GPX7: variants seen among roughly 807,000 people sequenced by gnomAD.
GPX7 encodes protein peroxidase GPX7.
A neutral mutation model predicts 23.7 loss-of-function variants in GPX7; 21 were observed. The ratio of observed to expected loss-of-function variants is 0.89; its 90% CI spans 0.63 to 1.28. The LOEUF (loss-of-function observed/expected upper bound fraction) is 1.28. Among genes scored for constraint, GPX7 ranks in the 50% most tolerant of loss-of-function variants. GPX7 has a pLI of 0.00. For synonymous variants in GPX7, 112 were observed against 101.8 expected, an observed-to-expected ratio of 1.10 and a Z score of -0.61; for missense variants, 238 against 237.3, an observed-to-expected ratio of 1.00 and a Z score of -0.02.
chr1:52,602,542 G>C lies in GPX7; in HGVS notation c.133G>C (p.Gly45Arg), dbSNP rs201701796. 348 of 1,557,486 alleles carry C rather than the reference G, an allele frequency of 2.2e-4. No homozygotes were observed. In the East Asian group the frequency reaches 3.7e-3, roughly 16 times the overall value. The change falls in exon 1 of 3, where the codon GGA (glycine) becomes CGA (arginine). Residue 45 changes from glycine (G) to arginine (R), a missense_variant. By Grantham distance (125) the Gly-to-Arg change is moderately radical. Transcript: ENST00000361314. ...ACTGGTGTCGCTGGAGAAGTACCGCGGATCGGTGAGTGCGCGGGGTCTGGC... is the reference window on the plus strand; with the variant it reads ...ACTGGTGTCGCTGGAGAAGTACCGCCGATCGGTGAGTGCGCGGGGTCTGGC... Reference protein sequence around the residue: ...GKLVSLEKYRGSVSLVVNVAS... With the variant: ...GKLVSLEKYRRSVSLVVNVAS...
At chr1:52,607,772 G>T (rs746522295) in intron 2 of GPX7, among the ~76,000 whole-genome samples, 4 of 152,014 alleles carry the variant, frequency 2.6e-5, no homozygotes, top group Non-Finnish European at 5.9e-5. Flanking sequence ...AGTTCTCACA[G>T]TTATAGATCA....
rs1337871369 is a variant in GPX7 at position 52,602,612 on chromosome 1, C to T, written c.138+65C>T. The stretch of plus-strand genomic sequence containing the variant: ...TCGCCCTGGCGGGGCCTGCTGGGGA[C>T]GCCCCGCAGCCCGGTCCCCCGCGCG... On this transcript the variant is annotated intron_variant, in intron 1 of 2. Transcript: ENST00000361314. 11 of 1,061,396 alleles carry T rather than the reference C, an allele frequency of 1.0e-5. No individual in the cohort carries two copies. In the South Asian group the frequency reaches 1.2e-4, roughly 12 times the overall value. 65.7% of individuals were successfully genotyped at this position (1,061,396 alleles called of 1,614,324 possible). A position where few individuals can be genotyped will look rare whatever the true frequency, so the allele number is the denominator to read the frequency against.
At position 52,602,426 on chromosome 1, in the gene GPX7, T is replaced by G. The variant is rs1324329786; in HGVS notation, c.17T>G (p.Val6Gly). The G allele has an allele frequency of 2.0e-6, 3 of 1,511,100 alleles. No homozygotes were observed. The highest frequency in any genetic ancestry group is 2.6e-6 in the Non-Finnish European group (3 of 1,132,546). 93.6% of individuals were successfully genotyped at this position (1,511,100 alleles called of 1,614,324 possible). A position where few individuals can be genotyped will look rare whatever the true frequency, so the allele number is the denominator to read the frequency against. The change falls in exon 1 of 3, where the codon GTG becomes GGG. Residue 6 changes from valine (V) to glycine (G), a missense_variant. By Grantham distance (109) the Val-to-Gly change is moderately radical (BLOSUM62 -3). Coordinates refer to ENST00000361314, the MANE Select transcript of GPX7 (RefSeq NM_015696.5). ...GAACAAGCCATGGTGGCGGCGACGGTGGCAGCGGCGTGGCTGCTCCTGTGG... is the reference window on the plus strand; with the variant it reads ...GAACAAGCCATGGTGGCGGCGACGGGGGCAGCGGCGTGGCTGCTCCTGTGG... MVAAT[V>G]AAAWLLLWAA... is the part of the protein sequence containing the mutation.
chr1:52,602,791 G>A (rs1285815200), intron 1 of GPX7, among the ~76,000 whole-genome samples: 4 of 151,958 alleles, frequency 2.6e-5, no homozygotes, highest in African/African-American at 9.7e-5. Context: ...AACCCGAAGC[G>A]CTCGCAGTCG....
In GPX7 at chr1:52,608,518, C is replaced by G; in HGVS notation, c.*93C>G. ...ATGGTGCTTCAAAGGGAGAGACCCA[C>G]TGACTCTCCTTCCTTTACTCTTATG... On this transcript the variant is annotated 3_prime_UTR_variant, in exon 3 of 3. Coordinates refer to ENST00000361314, the MANE Select transcript of GPX7 (RefSeq NM_015696.5). The G allele has an allele frequency of 3.8e-6, 4 of 1,060,104 alleles. No individual in the cohort carries two copies. The South Asian group carries it at 5.6e-5, about 15-fold the overall frequency. The allele number at this position is 1,060,104 out of a possible 1,614,324, so 65.7% of individuals were successfully genotyped here.
chr1:52,602,744 C>T (rs1281280763), intron 1 of GPX7, among the ~76,000 whole-genome samples, 197 bp downstream of exon 1: 2 of 151,316 alleles, frequency 1.3e-5, no homozygotes, highest in Non-Finnish European at 3.0e-5. Context: ...CGGCCCGGCC[C>T]GGCCCGCGGC....
rs34180910 is a variant in GPX7, at chr1:52,605,068, A to G, written c.139-1616A>G. Among the ~76,000 whole-genome samples the G allele has an allele frequency of 9.1e-3, 1,371 of 150,018 alleles. 23 individuals carry two copies. The highest frequency in any genetic ancestry group is 0.032 in the African/African-American group (1,295 of 40,602). On this transcript the variant is annotated intron_variant, in intron 1 of 2. Coordinates refer to ENST00000361314, the MANE Select transcript of GPX7 (RefSeq NM_015696.5). Reference sequence around the variant, plus strand: ...TTTAAAAAAAAAAAAAAAAAAAAAAAAGCTTTAATGTTCTCATTGCCCAGG... The same window carrying G: ...TTTAAAAAAAAAAAAAAAAAAAAAAGAGCTTTAATGTTCTCATTGCCCAGG...
At chr1:52,606,436 T>C (rs1690852485) in intron 1 of GPX7, among the ~76,000 whole-genome samples, 1 of 152,204 alleles carries the variant, frequency 6.6e-6, no homozygotes, top group South Asian at 2.1e-4. Context: ...CAGATGTTCA[T>C]GTATGTGTGC....
chr1:52,605,437 C>T (rs767343346), intron 1 of GPX7, among the ~76,000 whole-genome samples: 61 of 152,144 alleles, frequency 4.0e-4, no homozygotes, highest in Non-Finnish European at 7.1e-4. Context: ...AATAAATAAA[C>T]AGGACATCCC....
chr1:52,602,693 G>C (rs978521790), intron 1 of GPX7, 146 bp downstream of exon 1: 1 of 217,586 alleles, frequency 4.6e-6, no homozygotes. Flanking sequence ...CCCCCGCCCC[G>C]CTCGGCCGTG....
chr1:52,605,959 C>T lies in GPX7; in HGVS notation c.139-725C>T, dbSNP rs183511172. 3.9e-5 allele frequency among the ~76,000 whole-genome samples: 6 copies of T among 152,250 alleles called. No homozygotes were observed. In the East Asian group the frequency reaches 1.2e-3, roughly 29 times the overall value. On this transcript the variant is annotated intron_variant, in intron 1 of 2. Transcript: ENST00000361314. ...TCCTGTTATGATTATGCCATTGCTC[C>T]AGCAGCAACAACAACAAAAGTGGTG...
rs1690880869 is a variant in GPX7 at position 52,608,644 on chromosome 1, C to G, written c.*219C>G. The G allele has an allele frequency of 2.9e-6, 1 of 346,506 alleles. No homozygotes were observed. Among genetic ancestry groups the G allele is most frequent in the Non-Finnish European group, 5.2e-6 (1 of 191,640 alleles). The allele number at this position is 346,506 out of a possible 1,614,324, so 21.5% of individuals were successfully genotyped here. ...ACTCCTGGCCAATGAGAGCTCTTGACCAGTGAATCACCAGCCGATACGAAC... is the reference window on the plus strand; with the variant it reads ...ACTCCTGGCCAATGAGAGCTCTTGAGCAGTGAATCACCAGCCGATACGAAC... On this transcript the variant is annotated 3_prime_UTR_variant, in exon 3 of 3. Transcript: ENST00000361314.
chr1:52,606,633 C>G (rs1287323428), intron 1 of GPX7, 51 bp from the exon 2 acceptor site: 1 of 1,588,124 alleles, frequency 6.3e-7, no homozygotes, highest in Non-Finnish European at 8.6e-7. Flanking sequence ...CAGGTTCATG[C>G]CTCTTCACTG....
Position 52,602,565 on chromosome 1 carries a change from G to T in GPX7, c.138+18G>T, listed in dbSNP as rs577603011. The stretch of plus-strand genomic sequence containing the variant: ...GCGGATCGGTGAGTGCGCGGGGTCT[G>T]GCGGCGCCGCTGGGCCCGGCCTCGC... On this transcript the variant is annotated intron_variant, in intron 1 of 2. Transcript: ENST00000361314. The T allele has an allele frequency of 2.0e-6, 3 of 1,527,398 alleles. No homozygotes were observed. The highest frequency in any genetic ancestry group is 2.6e-6 in the Non-Finnish European group (3 of 1,138,100). The allele number at this position is 1,527,398 out of a possible 1,614,324, so 94.6% of individuals were successfully genotyped here. A position where few individuals can be genotyped will look rare whatever the true frequency, so the allele number is the denominator to read the frequency against.
At chr1:52,603,644 C>T (rs1690824692) in intron 1 of GPX7, among the ~76,000 whole-genome samples, 1 of 152,196 alleles carries the variant, frequency 6.6e-6, no homozygotes, top group South Asian at 2.1e-4. Flanking sequence ...TAGATGTCAA[C>T]ATTTTTCTCC....
rs1690864604 is a variant in GPX7 at position 52,607,240 on chromosome 1, TAGA to T, written c.400+298_400+300del. The T allele has an allele frequency of 2.0e-5, 9 of 458,136 alleles. No homozygotes were observed. The South Asian group carries it at 2.6e-4, about 13-fold the overall frequency. 28.4% of individuals were successfully genotyped at this position (458,136 alleles called of 1,614,324 possible). Reference sequence around the variant, plus strand: ...TCCTGTTTTCACATTCAGGGGCTCCTAGAAGGAGACATTTAAGTCAGTGTGAAC... The same window carrying T: ...TCCTGTTTTCACATTCAGGGGCTCCTAGGAGACATTTAAGTCAGTGTGAAC... On this transcript the variant is annotated intron_variant, in intron 2 of 2. Coordinates refer to ENST00000361314, the MANE Select transcript of GPX7 (RefSeq NM_015696.5).
intron 2 of GPX7, 66 bp from the exon 3 acceptor site, chr1:52,608,195 CT>C: frequency 6.9e-7 from 1 of 1,442,836 alleles, no homozygotes. Context: ...AAGATGGACA[CT>C]GAGAGTGAAG....
intron 2 of GPX7, 39 bp from the exon 3 acceptor site, chr1:52,608,223 G>T (rs140642194): frequency 6.4e-7 from 1 of 1,564,802 alleles, no homozygotes; most frequent in Non-Finnish European, 8.7e-7. Context: ...GAGAGGGTAC[G>T]CAGGGTAGCA....
rs1290748512 is a variant in GPX7 at position 52,606,943 on chromosome 1, C to T, written c.398C>T (p.Ala133Val). The change falls in exon 2 of 3, where the codon GCC becomes GTC. Residue 133 changes from alanine (A) to valine (V), a missense_variant and splice_region_variant. Transcript: ENST00000361314. ...TGAHPAFKYL[A>V]QTSGKEPTWN... Reference sequence around the variant, plus strand: ...GCCCATCCTGCCTTCAAGTACCTGGCCCGTAAGTCCTGGTCTCTTCATCCC... The same window carrying T: ...GCCCATCCTGCCTTCAAGTACCTGGTCCGTAAGTCCTGGTCTCTTCATCCC... 1.9e-6 allele frequency: 3 copies of T among 1,613,752 alleles called. No homozygotes were observed. The highest frequency in any genetic ancestry group is 2.7e-5 in the African/African-American group (2 of 74,902).
Sources: allele counts gnomAD v4.1 joint callset (sites outside exome capture counted in the v4.1 genomes callset), GRCh38; gene constraint gnomAD v4.1.1; transcripts MANE v1.5; gene names NCBI Gene and HGNC (gene_info 2026-07-23, HGNC 2026-07-21).